TCF4: variants seen among roughly 807,000 people sequenced by gnomAD.
The protein encoded by TCF4 is transcription factor 4, also known as SL3-3 enhancer factor 2.
In TCF4, 3 loss-of-function variants were observed where a neutral mutation model predicts 82.1. The ratio of observed to expected loss-of-function variants is 0.04; its 90% CI spans 0.02 to 0.09. The LOEUF is 0.09. Ranked by LOEUF, TCF4 falls within the 10% of genes least tolerant of loss-of-function variation. TCF4 has a pLI of 1.00. For synonymous variants in TCF4, 276 were observed against 309.6 expected, an observed-to-expected ratio of 0.89 and a Z score of 1.14; for missense variants, 518 against 852.7, an observed-to-expected ratio of 0.61 and a Z score of 4.89.
chr18:55,258,138 CTG>C (rs1443045708), intron 13 of TCF4, among the ~76,000 whole-genome samples: 2 of 152,138 alleles, frequency 1.3e-5, no homozygotes, highest in East Asian at 3.8e-4. Context: ...TGCCCCGACA[CTG>C]TTAGCACTTT....
rs2093935048 is a variant in TCF4, at chr18:55,403,457, G to T, written c.366C>A (p.His122Gln). 1.2e-6 allele frequency: 2 copies of T among 1,613,640 alleles called. No homozygotes were observed. The highest frequency in any genetic ancestry group is 1.3e-5 in the African/African-American group (1 of 74,852). Reference protein sequence around the residue: ...YGRESNLQGCHQQSLLGGDMD... With the variant: ...YGRESNLQGCQQQSLLGGDMD... ...CGCAACAGAGATTCTCACTTACCTGGTGGCAACCCTGTAAGTTTGATTCTC... is the reference window on the plus strand; with the variant it reads ...CGCAACAGAGATTCTCACTTACCTGTTGGCAACCCTGTAAGTTTGATTCTC... The change falls in exon 6 of 20, where the codon CAC (histidine) becomes CAA (glutamine). Residue 122 changes from histidine (H) to glutamine (Q), a missense_variant. Transcript: ENST00000354452.
chr18:55,270,061 G>A (rs2060013434), intron 10 of TCF4, 98 bp from the exon 11 acceptor site: 1 of 1,491,624 alleles, frequency 6.7e-7, no homozygotes, highest in Non-Finnish European at 9.3e-7. Flanking sequence ...TTTTACAATG[G>A]AGACAGCTTT....
intron 3 of TCF4, among the ~76,000 whole-genome samples, chr18:55,464,738 C>G (rs918025719): frequency 4.0e-5 from 6 of 151,282 alleles, no homozygotes; most frequent in African/African-American, 1.5e-4. Flanking sequence ...TTTTTTTAAA[C>G]TAGACATACC....
At chr18:55,303,791 A>C (rs1042523417) in intron 8 of TCF4, among the ~76,000 whole-genome samples, 1 of 152,226 alleles carries the variant, frequency 6.6e-6, no homozygotes, top group Non-Finnish European at 1.5e-5. Context: ...TTAACACGAC[A>C]TGAAAATCAA....
intron 5 of TCF4, among the ~76,000 whole-genome samples, chr18:55,405,238 G>A (rs2094027388): frequency 6.6e-6 from 1 of 152,204 alleles, no homozygotes; most frequent in Non-Finnish European, 1.5e-5. Context: ...CAAAGGACGC[G>A]TGTCCTTCCT....
chr18:55,250,653 T>A (rs916282766), intron 15 of TCF4, among the ~76,000 whole-genome samples: 4 of 152,170 alleles, frequency 2.6e-5, no homozygotes, highest in Non-Finnish European at 4.4e-5. Context: ...AGACAACACA[T>A]GCAGAGCGCC....
At chr18:55,365,919 C>A (rs546280764) in intron 6 of TCF4, among the ~76,000 whole-genome samples, 317 of 151,746 alleles carry the variant, frequency 2.1e-3, no homozygotes, top group Non-Finnish European at 3.3e-3. Flanking sequence ...AAAACAACAA[C>A]AACAAAAAAA....
intron 6 of TCF4, among the ~76,000 whole-genome samples, chr18:55,374,192 A>G (rs1298702690): frequency 6.6e-6 from 1 of 152,196 alleles, no homozygotes; most frequent in Admixed American, 6.5e-5. Context: ...TTAAATTGCA[A>G]GATGTAAAAA....
chr18:55,365,499 C>G (rs867165307), intron 6 of TCF4, among the ~76,000 whole-genome samples: 1 of 151,930 alleles, frequency 6.6e-6, no homozygotes, highest in Non-Finnish European at 1.5e-5. Context: ...TTTTCCTCAT[C>G]TGCCAAAAGT....
intron 8 of TCF4, among the ~76,000 whole-genome samples, chr18:55,339,297 G>C (rs2079303481): frequency 6.6e-6 from 1 of 152,170 alleles, no homozygotes; most frequent in Non-Finnish European, 1.5e-5. Context: ...ACTGTGAGTG[G>C]AGAAGTGAGG....
chr18:55,288,550 C>T (rs557789995), intron 8 of TCF4, among the ~76,000 whole-genome samples: 23 of 152,280 alleles, frequency 1.5e-4, no homozygotes, highest in Non-Finnish European at 8.8e-5. Context: ...GAATTCTCTC[C>T]GCGGTGCTCA....
chr18:55,247,659 A>G (rs2053697209), intron 15 of TCF4, among the ~76,000 whole-genome samples: 1 of 152,154 alleles, frequency 6.6e-6, no homozygotes. Context: ...TGTGGAGAAA[A>G]AGGCATCCTT....
chr18:55,487,727 G>A (rs1315301642), intron 3 of TCF4, among the ~76,000 whole-genome samples: 1 of 151,816 alleles, frequency 6.6e-6, no homozygotes, highest in African/African-American at 2.4e-5. Context: ...GACAAGGATG[G>A]GATAACAACT....
At chr18:55,438,904 G>A (rs2095384951) in intron 5 of TCF4, among the ~76,000 whole-genome samples, 1 of 152,190 alleles carries the variant, frequency 6.6e-6, no homozygotes, top group South Asian at 2.1e-4. Context: ...TGAACACTAA[G>A]CAAAGACAGA....
intron 3 of TCF4, among the ~76,000 whole-genome samples, chr18:55,518,271 C>G (rs920691945): frequency 6.6e-6 from 1 of 151,950 alleles, no homozygotes; most frequent in South Asian, 2.1e-4. Flanking sequence ...TCATCAGGTA[C>G]AGTTAAGTAG....
At chr18:55,430,618 A>C (rs1024040810) in intron 5 of TCF4, among the ~76,000 whole-genome samples, 3 of 140,402 alleles carry the variant, frequency 2.1e-5, no homozygotes, top group Non-Finnish European at 3.1e-5. Context: ...GCCTGCACTT[A>C]TGAAGACAGA....
intron 5 of TCF4, chr18:55,422,100 C>CA (rs11412305): frequency 0.34 from 149,417 of 435,928 alleles, 4,494 homozygotes; most frequent in East Asian, 0.53. Flanking sequence ...AGAAAAAGCA[C>CA]AAAAAAAAAA....
intron 2 of TCF4, among the ~76,000 whole-genome samples, chr18:55,620,203 T>C (rs1486071963): frequency 1.3e-5 from 2 of 152,176 alleles, no homozygotes; most frequent in African/African-American, 4.8e-5. Flanking sequence ...ATGAGTCAAT[T>C]AAACTTCTTT....
At chr18:55,323,018 CAACTG>C (rs2075971000) in intron 8 of TCF4, among the ~76,000 whole-genome samples, 2 of 152,140 alleles carry the variant, frequency 1.3e-5, no homozygotes. Context: ...TTATTGATCA[CAACTG>C]AACAATAGAA....
Sources: gnomAD v4.1 joint callset for allele counts (sites outside exome capture counted in the v4.1 genomes callset) on GRCh38, gnomAD v4.1.1 for gene constraint, MANE v1.5 for transcripts, NCBI Gene and HGNC (gene_info 2026-07-23, HGNC 2026-07-21) for gene names.